The following MTX2 variants were observed in gnomAD, a reference collection of about 807,000 sequenced individuals.
The protein encoded by MTX2 is metaxin-2.
Under a neutral mutation model 42.3 loss-of-function variants are expected in MTX2, and 35 were observed. The observed-to-expected ratio is 0.83, with a 90% confidence interval of 0.63 to 1.10. MTX2 has a LOEUF of 1.10. Ranked by LOEUF, MTX2 falls within the 50% of genes least tolerant of loss-of-function variation. MTX2 has a pLI of 0.00. For missense variants in MTX2, 307 were observed against 304.1 expected (o/e 1.01, Z -0.07); for synonymous variants, 119 against 100.9 (o/e 1.18, Z -1.08).
intron 3 of MTX2, among the ~76,000 whole-genome samples, chr2:176,314,685 T>C (rs1297476730): frequency 6.6e-6 from 1 of 152,142 alleles, no homozygotes; most frequent in Admixed American, 6.5e-5. Context: ...ACTTTTGACG[T>C]CCTGAAGATT....
At chr2:176,310,648 G>T (rs1372398462) in intron 3 of MTX2, among the ~76,000 whole-genome samples, 2 of 151,892 alleles carry the variant, frequency 1.3e-5, no homozygotes, top group Non-Finnish European at 2.9e-5. Context: ...TCATTAATTT[G>T]ATCTTCGATC....
chr2:176,323,254 A>G lies in MTX2; in HGVS notation c.136-138A>G, dbSNP rs1462497741. On this transcript the variant is annotated intron_variant, in intron 3 of 9. Coordinates refer to ENST00000249442, the MANE Select transcript of MTX2 (RefSeq NM_006554.5). ...TTTTTGTTTGGAAAACAAATCCTTC[A>G]CTTTAAATTGGTTCATTGTTTTCTA... The G allele has an allele frequency of 1.6e-5, 11 of 676,270 alleles. No homozygotes were observed. In the Admixed American group the frequency reaches 2.5e-4, roughly 16 times the overall value. The allele number at this position is 676,270 out of a possible 1,614,324, so 41.9% of individuals were successfully genotyped here. A position where few individuals can be genotyped will look rare whatever the true frequency, so the allele number is the denominator to read the frequency against.
At chr2:176,278,774 A>G (rs927558245) in intron 1 of MTX2, among the ~76,000 whole-genome samples, 2 of 152,030 alleles carry the variant, frequency 1.3e-5, no homozygotes, top group African/African-American at 2.4e-5. Flanking sequence ...TTTTTTTCAA[A>G]GACAGAAGTT....
At chr2:176,279,240 TA>T (rs1693023491) in intron 1 of MTX2, among the ~76,000 whole-genome samples, 1 of 152,144 alleles carries the variant, frequency 6.6e-6, no homozygotes, top group African/African-American at 2.4e-5. Flanking sequence ...TTACAGTGGA[TA>T]CAGTATCTTT....
At chr2:176,320,607 C>T (rs1192263546) in intron 3 of MTX2, among the ~76,000 whole-genome samples, 1 of 152,108 alleles carries the variant, frequency 6.6e-6, no homozygotes, top group Admixed American at 6.6e-5. Flanking sequence ...TTCCCCACCA[C>T]CTCTTGCATT....
intron 9 of MTX2, among the ~76,000 whole-genome samples, chr2:176,333,433 G>A (rs543143469): frequency 1.3e-5 from 2 of 151,624 alleles, no homozygotes; most frequent in South Asian, 2.1e-4. Context: ...AGTAAAATTG[G>A]CACTTTTATG....
At chr2:176,300,691 A>G (rs962147172) in intron 3 of MTX2, among the ~76,000 whole-genome samples, 16 of 152,090 alleles carry the variant, frequency 1.1e-4, no homozygotes, top group African/African-American at 3.4e-4. Context: ...GAAGATTCCA[A>G]TTGGTATCTG....
intron 1 of MTX2, among the ~76,000 whole-genome samples, chr2:176,279,354 A>T (rs982718715): frequency 6.6e-6 from 1 of 152,172 alleles, no homozygotes; most frequent in South Asian, 2.1e-4. Flanking sequence ...TTTGTATAAC[A>T]TGAAGAGGCC....
chr2:176,300,473 T>C (rs972497759), intron 3 of MTX2, among the ~76,000 whole-genome samples: 2 of 152,166 alleles, frequency 1.3e-5, no homozygotes, highest in Admixed American at 1.3e-4. Flanking sequence ...CAAAATCTGA[T>C]GTGTATTTTA....
intron 3 of MTX2, among the ~76,000 whole-genome samples, chr2:176,318,160 A>G (rs1407079018): frequency 1.3e-5 from 2 of 151,606 alleles, no homozygotes; most frequent in Non-Finnish European, 2.9e-5. Context: ...TGTTATTTTA[A>G]TAGATTTTTT....
At position 176,326,814 on chromosome 2, in the gene MTX2, T is replaced by C. The variant is rs1402084395; in HGVS notation, c.209-11T>C. ...AGTATTTTTATAAATACTTTTTTTT[T>C]CTCTCAACAGGTAAAGTACCTTTTA... On this transcript the variant is annotated splice_polypyrimidine_tract_variant and intron_variant, in intron 4 of 9. Coordinates refer to ENST00000249442, the MANE Select transcript of MTX2 (RefSeq NM_006554.5). 6 of 1,503,180 alleles carry C rather than the reference T, an allele frequency of 4.0e-6. No individual in the cohort carries two copies. Among genetic ancestry groups the C allele is most frequent in the South Asian group, 2.5e-5 (2 of 79,114 alleles). 93.1% of individuals were successfully genotyped at this position (1,503,180 alleles called of 1,614,324 possible). A position where few individuals can be genotyped will look rare whatever the true frequency, so the allele number is the denominator to read the frequency against.
In MTX2 at chr2:176,297,838, T is replaced by C; in HGVS notation, c.89-11T>C. 6.5e-7 allele frequency: 1 copy of C among 1,535,528 alleles called. No individual in the cohort carries two copies. The highest frequency in any genetic ancestry group is 8.8e-7 in the Non-Finnish European group (1 of 1,134,100). The stretch of plus-strand genomic sequence containing the variant: ...CTTGGTTAACATTTATGCTTCATTG[T>C]ATTTCCACAGGGGAGCAAATTTTAC... On this transcript the variant is annotated splice_polypyrimidine_tract_variant and intron_variant, in intron 2 of 9. Transcript: ENST00000249442.
chr2:176,326,410 C>T (rs1684707411), intron 4 of MTX2, among the ~76,000 whole-genome samples: 2 of 151,584 alleles, frequency 1.3e-5, no homozygotes, highest in South Asian at 2.1e-4. Flanking sequence ...ATGTAGTTTA[C>T]AATATAGATT....
At chr2:176,284,704 A>G (rs1318684817) in intron 1 of MTX2, among the ~76,000 whole-genome samples, 2 of 152,210 alleles carry the variant, frequency 1.3e-5, no homozygotes, top group African/African-American at 4.8e-5. Context: ...CACAATGCTT[A>G]AGGAGAAAAA....
intron 1 of MTX2, among the ~76,000 whole-genome samples, chr2:176,278,206 A>T (rs1692995636): frequency 6.6e-6 from 1 of 151,616 alleles, no homozygotes; most frequent in Non-Finnish European, 1.5e-5. Flanking sequence ...GCCCACCACC[A>T]CACCTGGCTA....
At chr2:176,332,228 C>T (rs1042755468) in intron 9 of MTX2, among the ~76,000 whole-genome samples, 4 of 151,180 alleles carry the variant, frequency 2.6e-5, no homozygotes, top group South Asian at 2.1e-4. Flanking sequence ...TAATTTTATT[C>T]GATCATTTAA....
intron 3 of MTX2, among the ~76,000 whole-genome samples, chr2:176,298,306 C>T (rs1267298141): frequency 5.9e-5 from 9 of 152,000 alleles, no homozygotes; most frequent in Admixed American, 5.9e-4. Flanking sequence ...GCTCATTGCA[C>T]TCATTGGCCT....
chr2:176,328,806 A>G (rs988696311), intron 6 of MTX2, 68 bp from the exon 7 acceptor site: 6 of 1,521,864 alleles, frequency 3.9e-6, no homozygotes, highest in Non-Finnish European at 5.4e-6. Flanking sequence ...GCCTTGGCAA[A>G]AAATAACTTT....
chr2:176,328,735 T>C lies in MTX2; in HGVS notation c.379-139T>C. 3 of 675,506 alleles carry C rather than the reference T, an allele frequency of 4.4e-6. No homozygotes were observed. In the South Asian group the frequency reaches 6.4e-5, roughly 14 times the overall value. 41.8% of individuals were successfully genotyped at this position (675,506 alleles called of 1,614,324 possible). ...CGTACCATCATTACATTTTTGTGGA[T>C]AGCAGCTAAGAAAAACAAACCGCTA... On this transcript the variant is annotated intron_variant, in intron 6 of 9. Transcript: ENST00000249442.
Sources: allele counts gnomAD v4.1 joint callset (sites outside exome capture counted in the v4.1 genomes callset), GRCh38; gene constraint gnomAD v4.1.1; transcripts MANE v1.5; gene names NCBI Gene and HGNC (gene_info 2026-07-23, HGNC 2026-07-21).